KCNH2: variants seen among roughly 807,000 people sequenced by gnomAD.
KCNH2 encodes the protein voltage-gated inwardly rectifying potassium channel KCNH2.
A neutral mutation model predicts 95.9 loss-of-function variants in KCNH2; 35 were observed. The ratio of observed to expected loss-of-function variants is 0.37; its 90% CI spans 0.28 to 0.48. The LOEUF (loss-of-function observed/expected upper bound fraction) is 0.48, where lower values mean the gene tolerates loss of function less well. Among genes scored for constraint, KCNH2 ranks in the 20% least tolerant of loss-of-function variants. KCNH2 has a pLI of 0.99. For missense variants in KCNH2, 1,274 were observed against 1,702.9 expected, an observed-to-expected ratio of 0.75 and a Z score of 4.43; for synonymous variants, 786 against 754.7, an observed-to-expected ratio of 1.04 and a Z score of -0.68.
At chr7:150,972,853 G>A (rs894503159) in intron 2 of KCNH2, among the ~76,000 whole-genome samples, 6 of 152,192 alleles carry the variant, frequency 3.9e-5, no homozygotes, top group Non-Finnish European at 8.8e-5. Context: ...CTCCAGAAGG[G>A]GCCAGCCTAG....
chr7:150,968,787 G>C (rs1048375270), intron 2 of KCNH2, among the ~76,000 whole-genome samples: 4 of 152,198 alleles, frequency 2.6e-5, no homozygotes, highest in Non-Finnish European at 5.9e-5. Flanking sequence ...GCAGCATGCA[G>C]GATGGGGCGG....
rs139544114 is a variant in KCNH2, at chr7:150,959,602, G to A, written c.442C>T (p.Arg148Trp). ...GCCAGCCAGCTGGTGGGGGGGCCCC[G>A]GTGGTTGGTGTCATGAGCCGGGGAC... ...VGSPAHDTNHRGPPTSWLAPG... is the reference protein window; with the variant it reads ...VGSPAHDTNHWGPPTSWLAPG... The change falls in exon 3 of 15, where the codon CGG becomes TGG. Residue 148 changes from arginine to tryptophan, a missense_variant. Transcript: ENST00000262186. The A allele has an allele frequency of 8.0e-4, 1,293 of 1,614,080 alleles. 7 individuals carry two copies. Among genetic ancestry groups the A allele is most frequent in the South Asian group, 1.1e-3 (102 of 91,074 alleles).
Position 150,950,211 on chromosome 7 carries a change from G to A in KCNH2, c.2355C>T (p.Gly785=). 1 of 1,612,432 alleles carries A rather than the reference G, an allele frequency of 6.2e-7. No individual in the cohort carries two copies. The highest frequency in any genetic ancestry group is 8.5e-7 in the Non-Finnish European group (1 of 1,179,642). Residue 785 remains glycine, a synonymous_variant, in exon 9 of 15, where the codon GGC becomes GGT. Coordinates refer to ENST00000262186, the MANE Select transcript of KCNH2 (RefSeq NM_000238.4). ...LLTALYFISR[G]SIEILRGDVV... is the part of the protein sequence containing the mutation. ...CGTCGCCCCGCAGGATCTCGATGGA[G>A]CCCCGGGAGATGAAGTACAGGGCGG...
At position 150,974,757 on chromosome 7, in the gene KCNH2, C is replaced by A. The variant is rs2117062460; in HGVS notation, c.261G>T (p.Leu87=). 6.2e-7 allele frequency: 1 copy of A among 1,606,796 alleles called. No homozygotes were observed. Among genetic ancestry groups the A allele is most frequent in the African/African-American group, 1.3e-5 (1 of 74,900 alleles). ...RAAAQIAQAL[L]GAEERKVEIA... ...TTTCCACTTTGCGCTCCTCGGCGCC[C>A]AGCAGTGCCTGCGCGATCTGCGCGG... The change falls in exon 2 of 15, where the codon CTG becomes CTT. Residue 87 remains leucine, a synonymous_variant. Transcript: ENST00000262186.
chr7:150,945,534 T>A lies in KCNH2; in HGVS notation c.3331-20A>T. The stretch of plus-strand genomic sequence containing the variant: ...GGAAACCTGCAATACACACAGAGCA[T>A]GGGCAGGCGAAGAGGCCATGGAGGA... On this transcript the variant is annotated intron_variant, in intron 14 of 14. Coordinates refer to ENST00000262186, the MANE Select transcript of KCNH2 (RefSeq NM_000238.4). This position sits in a 1 kb window ranked among gnomAD's most constrained non-coding sequence, Gnocchi z 5.6. 6.4e-7 allele frequency: 1 copy of A among 1,555,098 alleles called. No individual in the cohort carries two copies.
At position 150,959,555 on chromosome 7, in the gene KCNH2, A is replaced by G; in HGVS notation, c.472+17T>C. The G allele has an allele frequency of 5.0e-6, 8 of 1,613,724 alleles. No homozygotes were observed. The highest frequency in any genetic ancestry group is 6.8e-6 in the Non-Finnish European group (8 of 1,179,704). ...GACCACGAACCCCTGAGCCTGCCCT[A>G]AAGCAAGTACACTTACCTGGGGCCA... On this transcript the variant is annotated intron_variant, in intron 3 of 14. Transcript: ENST00000262186.
In KCNH2 at chr7:150,952,842, C is replaced by G. The variant is rs1801235875; in HGVS notation, c.1140G>C (p.Leu380=). ...TGTACTCAGGCAGCACGTCGGCGCC[C>G]AGGGACAGGACCTGCACCCGGGGAA... ...VTEKVTQVLS[L]GADVLPEYKL... is the part of the protein sequence containing the mutation. The change falls in exon 6 of 15, where the codon CTG becomes CTC. Residue 380 remains leucine, a synonymous_variant. Coordinates refer to ENST00000262186, the MANE Select transcript of KCNH2 (RefSeq NM_000238.4). The surrounding 1 kb of genome is among the most constrained non-coding windows in gnomAD (Gnocchi z 7.3). 1.2e-6 allele frequency: 2 copies of G among 1,613,542 alleles called. No homozygotes were observed. The highest frequency in any genetic ancestry group is 3.3e-5 in the Admixed American group (2 of 59,996).
intron 12 of KCNH2, 21 bp downstream of exon 12, chr7:150,947,585 C>A: frequency 1.2e-6 from 2 of 1,610,880 alleles, no homozygotes; most frequent in Non-Finnish European, 1.7e-6. Context: ...TCCTCCCTCG[C>A]CCGCCCGTCG....
At chr7:150,957,544 C>G (rs758413671) in intron 4 of KCNH2, 42 bp from the exon 5 acceptor site, 2 of 1,501,434 alleles carry the variant, frequency 1.3e-6, no homozygotes, top group Non-Finnish European at 1.8e-6. Flanking sequence ...AGCCCAGGGC[C>G]CCAGGCCAGG....
chr7:150,960,865 G>A (rs1443008641), intron 2 of KCNH2, among the ~76,000 whole-genome samples: 2 of 35,324 alleles, frequency 5.7e-5, no homozygotes, highest in African/African-American at 1.1e-4. Flanking sequence ...CTGCCCCACC[G>A]CCCCCCGCCC....
rs139968479 is a variant in KCNH2, at chr7:150,974,681, G to A, written c.307+30C>T. ...TCCCGCCCCTCTTGACCCCGCCCCT[G>A]GTCGTGGCCCCGCCCCGGCCCGCTC... On this transcript the variant is annotated intron_variant, in intron 2 of 14. Coordinates refer to ENST00000262186, the MANE Select transcript of KCNH2 (RefSeq NM_000238.4). 7,490 of 1,343,004 alleles carry A rather than the reference G, an allele frequency of 5.6e-3. 162 individuals are homozygous for A. The African/African-American group carries it at 0.065, about 12-fold the overall frequency. 83.2% of individuals were successfully genotyped at this position (1,343,004 alleles called of 1,614,324 possible). A position where few individuals can be genotyped will look rare whatever the true frequency, so the allele number is the denominator to read the frequency against.
At chr7:150,958,988 G>T (rs1202031940) in intron 3 of KCNH2, among the ~76,000 whole-genome samples, 1 of 152,248 alleles carries the variant, frequency 6.6e-6, no homozygotes, top group East Asian at 1.9e-4. Flanking sequence ...TCATGATGCT[G>T]AGGGAAAGAT....
intron 2 of KCNH2, among the ~76,000 whole-genome samples, chr7:150,966,781 C>CG (rs1213175593): frequency 1.3e-5 from 2 of 152,130 alleles, no homozygotes; most frequent in African/African-American, 4.8e-5. Context: ...CTGTTGGAGT[C>CG]GGGGCAAAAG....
chr7:150,948,005 G>A (rs1584845829), intron 11 of KCNH2, 127 bp from the exon 12 acceptor site: 14 of 1,145,630 alleles, frequency 1.2e-5, no homozygotes, highest in South Asian at 6.5e-5. Context: ...GTCCCCAGTC[G>A]CTTCTTCTGC....
chr7:150,971,678 G>C (rs961455422), intron 2 of KCNH2, among the ~76,000 whole-genome samples: 10 of 151,792 alleles, frequency 6.6e-5, no homozygotes, highest in Non-Finnish European at 1.5e-4. Context: ...CACCAGAGAG[G>C]AGATAAAGAC....
rs147126965 is a variant in KCNH2 at position 150,952,482 on chromosome 7, G to T, written c.1500C>A (p.Ile500=). 3.9e-5 allele frequency: 63 copies of T among 1,614,006 alleles called. No homozygotes were observed. The African/African-American group carries it at 8.4e-4, about 22-fold the overall frequency. The change falls in exon 6 of 15, where the codon ATC becomes ATA. Residue 500 remains isoleucine (I), a synonymous_variant. Transcript: ENST00000262186. The surrounding 1 kb of genome is among the most constrained non-coding windows in gnomAD (Gnocchi z 7.3). The part of the protein sequence containing the change: ...AVHYFKGWFL[I]DMVAAIPFDL... Reference sequence around the variant, plus strand: ...CGAAGGGGATGGCGGCCACCATGTCGATGAGGAACCAGCCCTTGAAGTAGT... The same window carrying T: ...CGAAGGGGATGGCGGCCACCATGTCTATGAGGAACCAGCCCTTGAAGTAGT...
At position 150,958,335 on chromosome 7, in the gene KCNH2, C is replaced by T. The variant is rs764251922; in HGVS notation, c.640G>A (p.Glu214Lys). The T allele has an allele frequency of 4.7e-6, 7 of 1,488,898 alleles. No individual in the cohort carries two copies. Among genetic ancestry groups the T allele is most frequent in the Non-Finnish European group, 6.2e-6 (7 of 1,126,880 alleles). The allele number at this position is 1,488,898 out of a possible 1,614,324, so 92.2% of individuals were successfully genotyped here. A position where few individuals can be genotyped will look rare whatever the true frequency, so the allele number is the denominator to read the frequency against. Residue 214 changes from glutamate (E) to lysine (K), a missense_variant, in exon 4 of 15, where the codon GAA (glutamate) becomes AAA (lysine). Physicochemically the swap from Glu to Lys is moderately conservative, Grantham distance 56. Coordinates refer to ENST00000262186, the MANE Select transcript of KCNH2 (RefSeq NM_000238.4). The part of the protein sequence containing the change: ...APSSESLALD[E>K]VTAMDNHVAG... ...ACGTGGTTGTCCATGGCTGTCACTT[C>T]GTCCAGGGCCAGCGACTCGCTGCTG... is the stretch of plus-strand genomic sequence containing the variant.
chr7:150,977,896 G>T lies in KCNH2; in HGVS notation c.18C>A (p.Gly6=), dbSNP rs1404907987. 1 of 1,605,260 alleles carries T rather than the reference G, an allele frequency of 6.2e-7. No homozygotes were observed. The change falls in exon 1 of 15, where the codon GGC becomes GGA. Residue 6 remains glycine, a synonymous_variant. Transcript: ENST00000262186. ...GGAAGGTGTTCTGCGGCGCGACGTG[G>T]CCCCTCCGCACCGGCATCCTGAGCC... The part of the protein sequence containing the change: MPVRR[G]HVAPQNTFLD...
rs781516287 is a variant in KCNH2, at chr7:150,947,675, C to T, written c.2896G>A (p.Glu966Lys). Residue 966 changes from glutamate (E) to lysine (K), a missense_variant, in exon 12 of 15, where the codon GAG becomes AAG. Glu to Lys is a moderately conservative substitution (Grantham distance 56). Around this residue, in one of 7 missense-constraint regions of KCNH2, gnomAD observed 457 missense variants for 416.1 expected, o/e 1.10. Coordinates refer to ENST00000262186, the MANE Select transcript of KCNH2 (RefSeq NM_000238.4). The part of the protein sequence containing the change: ...VPFSSPRPPG[E>K]PPGGEPLMED... ...ATCAGGGGCTCCCCACCCGGCGGCT[C>T]TCCGGGGGGCCTGGGGCTGGAGAAG... The T allele has an allele frequency of 1.4e-5, 22 of 1,605,184 alleles. No individual in the cohort carries two copies. The highest frequency in any genetic ancestry group is 1.8e-5 in the Non-Finnish European group (21 of 1,176,356).
Sources: allele counts gnomAD v4.1 joint callset (sites outside exome capture counted in the v4.1 genomes callset), GRCh38; gene constraint gnomAD v4.1.1; regional missense constraint gnomAD v4.1.1; non-coding constraint Gnocchi (gnomAD v3.1); transcripts MANE v1.5; gene names NCBI Gene and HGNC (gene_info 2026-07-23, HGNC 2026-07-21).